The following ADGRL2 variants were observed in gnomAD, a reference collection of about 807,000 sequenced individuals.
ADGRL2 encodes the protein calcium-independent alpha-latrotoxin receptor 2.
Under a neutral mutation model 157.4 loss-of-function variants are expected in ADGRL2, and 44 were observed. The ratio of observed to expected loss-of-function variants is 0.28; its 90% confidence interval spans 0.22 to 0.36. ADGRL2 has a LOEUF of 0.36. ADGRL2 is among the 10% of genes least tolerant of loss of function. The pLI, the probability that ADGRL2 is intolerant of heterozygous loss-of-function variation, is 1.00. For synonymous variants in ADGRL2, 585 were observed against 624.7 expected (o/e 0.94, Z 0.95); for missense variants, 1,510 against 1,768.9 (o/e 0.85, Z 2.63).
intron 2 of ADGRL2, among the ~76,000 whole-genome samples, chr1:81,559,222 A>C (rs1476399238): frequency 6.6e-6 from 1 of 152,158 alleles, no homozygotes; most frequent in African/African-American, 2.4e-5. Flanking sequence ...ATTAATAACC[A>C]GTCCTGCTTT....
At chr1:81,578,372 G>A (rs1037439584) in intron 2 of ADGRL2, among the ~76,000 whole-genome samples, 6 of 152,074 alleles carry the variant, frequency 3.9e-5, no homozygotes, top group African/African-American at 1.4e-4. Flanking sequence ...CTAGCTCATC[G>A]CTGTCATCCT....
intron 1 of ADGRL2, among the ~76,000 whole-genome samples, chr1:81,701,783 C>A (rs563059055): frequency 6.6e-6 from 1 of 152,340 alleles, no homozygotes; most frequent in East Asian, 1.9e-4. Flanking sequence ...TTAGACACTG[C>A]AAAGCAGAGG....
chr1:81,803,064 G>C (rs746835375), intron 1 of ADGRL2, among the ~76,000 whole-genome samples: 60 of 152,248 alleles, frequency 3.9e-4, no homozygotes, highest in Non-Finnish European at 4.6e-4. Context: ...TTGGGCCTGC[G>C]GGAGAAGTTA....
chr1:81,632,449 G>A (rs1190354194), intron 3 of ADGRL2, among the ~76,000 whole-genome samples: 1 of 152,094 alleles, frequency 6.6e-6, no homozygotes, highest in East Asian at 1.9e-4. Flanking sequence ...GCAGCTTGGA[G>A]TGTTTAGGGT....
At chr1:81,448,137 C>CTTTTT (rs1168945231) in intron 2 of ADGRL2, among the ~76,000 whole-genome samples, 372 of 83,536 alleles carry the variant, frequency 4.5e-3, no homozygotes, top group Middle Eastern at 9.4e-3. Context: ...TTCTTTCTTT[C>CTTTTT]TTTTTTTTTT....
At chr1:81,946,799 G>A (rs1406117029) in intron 6 of ADGRL2, among the ~76,000 whole-genome samples, 1 of 152,132 alleles carries the variant, frequency 6.6e-6, no homozygotes, top group African/African-American at 2.4e-5. Flanking sequence ...AAGTTGAATA[G>A]GTGCTCGTTT....
At chr1:81,328,688 TTTAACA>T (rs1661063681) in intron 1 of ADGRL2, among the ~76,000 whole-genome samples, 1 of 152,156 alleles carries the variant, frequency 6.6e-6, no homozygotes, top group Non-Finnish European at 1.5e-5. Flanking sequence ...GTTCAGATAC[TTTAACA>T]TAGTTAGCTA....
chr1:81,326,714 C>T (rs541751721), intron 1 of ADGRL2, among the ~76,000 whole-genome samples: 96 of 152,312 alleles, frequency 6.3e-4, no homozygotes, highest in African/African-American at 2.2e-3. Context: ...TTTTTCTCCA[C>T]AGCAGAAATA....
At chr1:81,860,221 T>TCAAAA (rs541397160) in intron 2 of ADGRL2, among the ~76,000 whole-genome samples, 27 of 152,270 alleles carry the variant, frequency 1.8e-4, no homozygotes, top group East Asian at 7.7e-4. Context: ...AGACTTCGTC[T>TCAAAA]CAAAACAAAA....
intron 2 of ADGRL2, among the ~76,000 whole-genome samples, chr1:81,472,563 G>A (rs12726428): frequency 2.0e-5 from 3 of 151,952 alleles, no homozygotes; most frequent in Non-Finnish European, 4.4e-5. Flanking sequence ...CCAGGGAGGT[G>A]GGGGGAGGTT....
chr1:81,383,885 C>T (rs545112753), intron 1 of ADGRL2, among the ~76,000 whole-genome samples: 5 of 138,432 alleles, frequency 3.6e-5, no homozygotes, highest in South Asian at 2.4e-4. Flanking sequence ...ACCCAGGAGG[C>T]GGAGGTTGCA....
At chr1:81,427,496 A>G in intron 1 of ADGRL2, 2 of 753,874 alleles carry the variant, frequency 2.7e-6, no homozygotes, top group Middle Eastern at 3.3e-4. Flanking sequence ...AGTGGACAAC[A>G]GCAATCAAAT....
At chr1:81,950,134 T>G (rs1173888118) in intron 6 of ADGRL2, 55 bp from the exon 7 acceptor site, 2 of 1,437,736 alleles carry the variant, frequency 1.4e-6, no homozygotes, top group Admixed American at 1.7e-5. Flanking sequence ...TGTGCATGAC[T>G]GTATGTGAGT....
At chr1:81,501,623 C>T (rs555865551) in intron 2 of ADGRL2, among the ~76,000 whole-genome samples, 3 of 152,368 alleles carry the variant, frequency 2.0e-5, no homozygotes, top group Non-Finnish European at 4.4e-5. Flanking sequence ...GAGTCCGAGA[C>T]GCAGCTGCCG....
intron 2 of ADGRL2, among the ~76,000 whole-genome samples, chr1:81,499,425 A>G (rs574499076): frequency 5.4e-4 from 82 of 152,346 alleles, no homozygotes; most frequent in African/African-American, 2.0e-3. Flanking sequence ...TGAGTGATGG[A>G]TCTCCTTGCA....
intron 3 of ADGRL2, among the ~76,000 whole-genome samples, chr1:81,930,031 T>A (rs1366583751): frequency 6.6e-6 from 1 of 152,176 alleles, no homozygotes; most frequent in Non-Finnish European, 1.5e-5. Context: ...ACACACCAAT[T>A]TTTTTCTGAT....
intron 1 of ADGRL2, among the ~76,000 whole-genome samples, chr1:81,723,533 T>C (rs967235212): frequency 6.6e-6 from 1 of 152,226 alleles, no homozygotes; most frequent in African/African-American, 2.4e-5. Flanking sequence ...GGAAGATTAT[T>C]GCTCTAATTT....
intron 1 of ADGRL2, among the ~76,000 whole-genome samples, chr1:81,330,081 C>T (rs1661171050): frequency 6.6e-6 from 1 of 152,020 alleles, no homozygotes. Context: ...TTTTTCATTT[C>T]TAGCTGGTAT....
intron 2 of ADGRL2, among the ~76,000 whole-genome samples, chr1:81,887,364 A>G (rs560933833): frequency 6.6e-6 from 1 of 152,350 alleles, no homozygotes; most frequent in Non-Finnish European, 1.5e-5. Flanking sequence ...AGACTAGAGC[A>G]GTGCTTTTCA....
Sources: allele counts gnomAD v4.1 joint callset (sites outside exome capture counted in the v4.1 genomes callset), GRCh38; gene constraint gnomAD v4.1.1; transcripts MANE v1.5; gene names NCBI Gene and HGNC (gene_info 2026-07-23, HGNC 2026-07-21).